The following CCDC33 variants were observed in gnomAD, a reference collection of about 807,000 sequenced individuals.
CCDC33 encodes the protein coiled-coil domain containing 33.
A neutral mutation model predicts 91.9 loss-of-function variants in CCDC33; 94 were observed. That is an observed-to-expected ratio of 1.02 (90% confidence interval 0.87 to 1.21). The LOEUF is 1.21. Among genes scored for constraint, CCDC33 ranks in the 50% most tolerant of loss-of-function variants. The probability of loss-of-function intolerance (pLI) is 0.00; values close to 1 mark genes in which losing one functional copy is unlikely to be tolerated. For missense variants in CCDC33, 940 were observed against 935.5 expected, an observed-to-expected ratio of 1.00 and a Z score of -0.06; for synonymous variants, 396 against 374.5, an observed-to-expected ratio of 1.06 and a Z score of -0.66.
chr15:74,259,491 G>A (rs189663576), intron 2 of CCDC33, among the ~76,000 whole-genome samples: 78 of 152,132 alleles, frequency 5.1e-4, no homozygotes, highest in African/African-American at 1.8e-3. Flanking sequence ...CCATTACCCC[G>A]AGAGCCTCCC....
At chr15:74,204,670 C>T (rs1200012765) in intron 1 of CCDC33, among the ~76,000 whole-genome samples, 2 of 152,224 alleles carry the variant, frequency 1.3e-5, no homozygotes, top group Admixed American at 1.3e-4. Context: ...TGGTGGCTTA[C>T]ACTTGTAATC....
At position 74,244,139 on chromosome 15, in the gene CCDC33, A is replaced by G. The variant is rs779753172; in HGVS notation, c.176A>G (p.Tyr59Cys). 8.1e-6 allele frequency: 13 copies of G among 1,611,438 alleles called. No homozygotes were observed. The highest frequency in any genetic ancestry group is 8.0e-5 in the African/African-American group (6 of 74,796). ...ACKDGSEPWP[Y>C]VVVKSTSEEK... ...AAGGATGGCTCCGAGCCGTGGCCCTATGTGGTGGTGTAAGTAGCTGCGTGA... is the reference window on the plus strand; with the variant it reads ...AAGGATGGCTCCGAGCCGTGGCCCTGTGTGGTGGTGTAAGTAGCTGCGTGA... The change falls in exon 2 of 19, where the codon TAT becomes TGT. Residue 59 changes from tyrosine to cysteine, a missense_variant. Tyr to Cys is a radical substitution (Grantham distance 194). Transcript: ENST00000398814. The surrounding 1 kb of genome is among the most constrained non-coding windows in gnomAD (Gnocchi z 4.2).
Position 74,333,486 on chromosome 15 carries a change from G to A in CCDC33, c.1939-395G>A, listed in dbSNP as rs117349930. ...TTTTCTCTCCATCCCAGGACTCGCC[G>A]GAGGTGAGTTCTGTTGAAAGCACAC... On this transcript the variant is annotated intron_variant, in intron 16 of 18. Transcript: ENST00000398814. Among the ~76,000 whole-genome samples the A allele has an allele frequency of 6.3e-3, 966 of 152,308 alleles. 9 individuals are homozygous for A. Among genetic ancestry groups the A allele is most frequent in the Non-Finnish European group, 6.8e-3 (465 of 68,028 alleles).
At chr15:74,318,582 C>T (rs1456636290) in intron 11 of CCDC33, 1 of 730,024 alleles carries the variant, frequency 1.4e-6, no homozygotes, top group Admixed American at 2.1e-5. Context: ...GGACTGCTAG[C>T]AGTAAAGATG....
intron 17 of CCDC33, among the ~76,000 whole-genome samples, chr15:74,334,215 G>C (rs1009490764): frequency 3.3e-5 from 5 of 151,874 alleles, no homozygotes; most frequent in Non-Finnish European, 7.4e-5. Flanking sequence ...TGTTACCAGG[G>C]TTAGGGTTCA....
chr15:74,276,614 G>C (rs999472228), intron 7 of CCDC33, among the ~76,000 whole-genome samples: 4 of 152,110 alleles, frequency 2.6e-5, no homozygotes, highest in Admixed American at 1.3e-4. Context: ...CCTTCCCCTG[G>C]GCCCCCTGTT....
chr15:74,335,816 C>A, intron 18 of CCDC33, 109 bp from the exon 19 acceptor site: 1 of 822,850 alleles, frequency 1.2e-6, no homozygotes, highest in South Asian at 1.6e-5. Context: ...AGGTCATGGC[C>A]CACTGGATTC....
chr15:74,272,619 GTCC>G (rs1406358449), intron 6 of CCDC33, 149 bp from the exon 7 acceptor site: 1 of 905,046 alleles, frequency 1.1e-6, no homozygotes, highest in African/African-American at 1.7e-5. Context: ...CAGCCCAGTG[GTCC>G]CCACTTGTCG....
intron 11 of CCDC33, among the ~76,000 whole-genome samples, chr15:74,329,021 G>T (rs912278187): frequency 6.6e-6 from 1 of 152,224 alleles, no homozygotes; most frequent in African/African-American, 2.4e-5. Context: ...GTTGCAGTGA[G>T]CTATGATGGT....
upstream of CCDC33, among the ~76,000 whole-genome samples, chr15:74,233,410 A>G (rs1229780852): frequency 4.6e-5 from 7 of 152,202 alleles, no homozygotes; most frequent in African/African-American, 1.7e-4. Flanking sequence ...AAACTCTGAG[A>G]GGGCTCCCCG....
intron 7 of CCDC33, among the ~76,000 whole-genome samples, chr15:74,279,043 G>T (rs2076522131): frequency 6.6e-6 from 1 of 152,246 alleles, no homozygotes; most frequent in Admixed American, 6.5e-5. Context: ...GACACCACCA[G>T]CCATGGGTGT....
At chr15:74,279,860 A>G in intron 7 of CCDC33, 103 bp from the exon 8 acceptor site, 2 of 1,476,256 alleles carry the variant, frequency 1.4e-6, no homozygotes, top group South Asian at 1.3e-5. Flanking sequence ...AGTTGGGAGA[A>G]ACATTTGTGA....
intron 2 of CCDC33, among the ~76,000 whole-genome samples, chr15:74,260,215 G>A (rs1168580279): frequency 1.3e-5 from 2 of 152,152 alleles, no homozygotes; most frequent in Non-Finnish European, 2.9e-5. Flanking sequence ...CAGAGCCGGA[G>A]GGAAAAAGGG....
At chr15:74,238,480 C>T (rs930228118) in intron 1 of CCDC33, among the ~76,000 whole-genome samples, 1 of 150,848 alleles carries the variant, frequency 6.6e-6, no homozygotes, top group African/African-American at 2.4e-5. Context: ...TTTGTGAATC[C>T]CCAGTTCATG....
intron 7 of CCDC33, among the ~76,000 whole-genome samples, chr15:74,278,275 T>C (rs1467996406): frequency 6.6e-6 from 1 of 151,936 alleles, no homozygotes; most frequent in Non-Finnish European, 1.5e-5. Context: ...CCTGCCACTG[T>C]GGGGAAGTGG....
intron 9 of CCDC33, 137 bp from the exon 10 acceptor site, chr15:74,281,641 C>A: frequency 1.4e-6 from 1 of 740,222 alleles, no homozygotes. Flanking sequence ...AAGCAGGAGG[C>A]CAGCTCCCAC....
At chr15:74,318,278 A>C (rs1313680980) in intron 11 of CCDC33, among the ~76,000 whole-genome samples, 1 of 151,992 alleles carries the variant, frequency 6.6e-6, no homozygotes, top group Non-Finnish European at 1.5e-5. Context: ...GCAGGAACCA[A>C]GGTGTAGCCA....
intron 7 of CCDC33, among the ~76,000 whole-genome samples, chr15:74,277,911 G>C (rs962894770): frequency 6.6e-6 from 1 of 152,168 alleles, no homozygotes; most frequent in African/African-American, 2.4e-5. Context: ...AGGTATGGAC[G>C]GCAGGGGACT....
intron 10 of CCDC33, among the ~76,000 whole-genome samples, chr15:74,291,434 T>C (rs2059582907): frequency 6.6e-6 from 1 of 152,370 alleles, no homozygotes; most frequent in East Asian, 1.9e-4. Flanking sequence ...TTCTTGGGAC[T>C]CACTTTGTTA....
Sources: gnomAD v4.1 joint callset for allele counts (sites outside exome capture counted in the v4.1 genomes callset) on GRCh38, gnomAD v4.1.1 for gene constraint, Gnocchi (gnomAD v3.1) non-coding constraint, MANE v1.5 for transcripts, NCBI Gene and HGNC (gene_info 2026-07-23, HGNC 2026-07-21) for gene names.